RIMS1: variants seen among roughly 807,000 people sequenced by gnomAD.
RIMS1 encodes regulating synaptic membrane exocytosis 1, also known as regulating synaptic membrane exocytosis protein 1.
In RIMS1, 83 loss-of-function variants were observed where a neutral mutation model predicts 214.1. The ratio of observed to expected loss-of-function variants is 0.39; its 90% CI spans 0.32 to 0.47. RIMS1 has a LOEUF of 0.47. Among genes scored for constraint, RIMS1 ranks in the 20% least tolerant of loss-of-function variants. The probability of loss-of-function intolerance (pLI) is 0.99; values close to 1 mark genes in which losing one functional copy is unlikely to be tolerated. For synonymous variants in RIMS1, 793 were observed against 786.8 expected (o/e 1.01, Z -0.13); for missense variants, 2,050 against 2,161.8 (o/e 0.95, Z 1.03).
At chr6:72,208,125 A>G (rs1287071102) in intron 6 of RIMS1, among the ~76,000 whole-genome samples, 11 of 152,174 alleles carry the variant, frequency 7.2e-5, no homozygotes, top group Non-Finnish European at 1.3e-4. Flanking sequence ...TCCGTAATGA[A>G]AGAAGGATGA....
At chr6:72,112,389 C>T (rs894089375) in intron 4 of RIMS1, among the ~76,000 whole-genome samples, 9 of 152,104 alleles carry the variant, frequency 5.9e-5, no homozygotes, top group African/African-American at 2.2e-4. Context: ...CAGACCATGC[C>T]ATGTACATCT....
At chr6:72,210,875 G>T (rs924209918) in intron 6 of RIMS1, among the ~76,000 whole-genome samples, 1 of 152,064 alleles carries the variant, frequency 6.6e-6, no homozygotes, top group Non-Finnish European at 1.5e-5. Flanking sequence ...CAGAATTTTT[G>T]TTTGATGAAA....
chr6:72,282,002 G>T (rs1299683692), intron 23 of RIMS1, among the ~76,000 whole-genome samples: 1 of 151,682 alleles, frequency 6.6e-6, no homozygotes, highest in African/African-American at 2.4e-5. Flanking sequence ...CTAGAACAGT[G>T]CCTAGTATAT....
chr6:72,052,023 C>A (rs188550144), intron 2 of RIMS1, among the ~76,000 whole-genome samples: 138 of 152,158 alleles, frequency 9.1e-4, no homozygotes, highest in Admixed American at 1.8e-3. Flanking sequence ...TTATGCTTTG[C>A]GAAAATTTCA....
chr6:72,147,244 A>G (rs778155169), intron 4 of RIMS1, among the ~76,000 whole-genome samples: 16 of 152,194 alleles, frequency 1.1e-4, no homozygotes, highest in Non-Finnish European at 1.8e-4. Context: ...TCTTTAGTCA[A>G]TTAATTAGAG....
intron 2 of RIMS1, among the ~76,000 whole-genome samples, chr6:72,049,573 T>G (rs1186643403): frequency 6.6e-6 from 1 of 152,196 alleles, no homozygotes; most frequent in Non-Finnish European, 1.5e-5. Context: ...CCCAAATTGC[T>G]TAGGTTTGCA....
intron 3 of RIMS1, among the ~76,000 whole-genome samples, chr6:72,098,191 A>G (rs1411102791): frequency 6.6e-6 from 1 of 152,200 alleles, no homozygotes; most frequent in Non-Finnish European, 1.5e-5. Context: ...CAAACCTCCC[A>G]ATCAACATTA....
chr6:72,048,776 T>C (rs1157682959), intron 2 of RIMS1, among the ~76,000 whole-genome samples: 1 of 152,354 alleles, frequency 6.6e-6, no homozygotes, highest in South Asian at 2.1e-4. Context: ...TCATTTCTTA[T>C]GTCTGAGATT....
At chr6:72,305,356 T>G (rs1206325816) in intron 26 of RIMS1, among the ~76,000 whole-genome samples, 1 of 152,100 alleles carries the variant, frequency 6.6e-6, no homozygotes, top group Non-Finnish European at 1.5e-5. Context: ...TATTTTTAAA[T>G]AAAGTTAATA....
chr6:72,360,894 A>G (rs868056696), intron 29 of RIMS1, among the ~76,000 whole-genome samples: 46 of 149,296 alleles, frequency 3.1e-4, no homozygotes, highest in African/African-American at 1.0e-3. Flanking sequence ...TATAGTGGAT[A>G]TGTTTCCTAG....
intron 4 of RIMS1, among the ~76,000 whole-genome samples, chr6:72,145,044 T>C (rs2042561531): frequency 6.6e-6 from 1 of 152,108 alleles, no homozygotes; most frequent in Non-Finnish European, 1.5e-5. Flanking sequence ...AGTTCTTTTG[T>C]TAAAAACAAA....
At chr6:72,076,622 T>G (rs947512515) in intron 2 of RIMS1, among the ~76,000 whole-genome samples, 2 of 152,118 alleles carry the variant, frequency 1.3e-5, no homozygotes, top group Admixed American at 6.5e-5. Flanking sequence ...TTAAAGGAGG[T>G]AGAGTAATTT....
chr6:72,282,643 C>A (rs1314907358), intron 23 of RIMS1, among the ~76,000 whole-genome samples: 1 of 152,068 alleles, frequency 6.6e-6, no homozygotes, highest in Non-Finnish European at 1.5e-5. Flanking sequence ...CTAGCTTTGC[C>A]ACTTTCTAAC....
At chr6:72,270,845 G>GTGCA (rs1488587850) in intron 22 of RIMS1, among the ~76,000 whole-genome samples, 7 of 152,134 alleles carry the variant, frequency 4.6e-5, no homozygotes, top group African/African-American at 1.7e-4. Flanking sequence ...CTTCCTTGGG[G>GTGCA]TGCAATGAGG....
intron 1 of RIMS1, among the ~76,000 whole-genome samples, chr6:71,949,437 T>C (rs968471883): frequency 4.6e-5 from 7 of 152,164 alleles, no homozygotes; most frequent in African/African-American, 1.4e-4. Context: ...ACCAATTTTC[T>C]TTTACACACT....
chr6:72,159,701 G>A (rs1468161101), intron 4 of RIMS1, among the ~76,000 whole-genome samples: 1 of 140,044 alleles, frequency 7.1e-6, no homozygotes, highest in Non-Finnish European at 1.6e-5. Context: ...GATAGTTGTA[G>A]ATAGGCAGCA....
chr6:72,297,709 GAAGGTATAGGTCAGA>G (rs1394865818), intron 26 of RIMS1, among the ~76,000 whole-genome samples: 1 of 151,966 alleles, frequency 6.6e-6, no homozygotes, highest in East Asian at 1.9e-4. Flanking sequence ...ATGCGTCCAG[GAAGGTATAGGTCAGA>G]AAAAGAATGC....
intron 2 of RIMS1, among the ~76,000 whole-genome samples, chr6:72,059,367 A>C (rs975951654): frequency 6.6e-6 from 1 of 152,012 alleles, no homozygotes; most frequent in African/African-American, 2.4e-5. Flanking sequence ...GCTTGAAACC[A>C]CAGGTTTCTG....
chr6:72,069,943 T>C (rs1830206884), intron 2 of RIMS1, among the ~76,000 whole-genome samples: 1 of 152,216 alleles, frequency 6.6e-6, no homozygotes, highest in Non-Finnish European at 1.5e-5. Context: ...ACTATATGAA[T>C]TGTTGCTCCC....
Sources: allele counts gnomAD v4.1 joint callset (sites outside exome capture counted in the v4.1 genomes callset), GRCh38; gene constraint gnomAD v4.1.1; transcripts MANE v1.5; gene names NCBI Gene and HGNC (gene_info 2026-07-23, HGNC 2026-07-21).